The following SYK variants were observed in gnomAD, a reference collection of about 807,000 sequenced individuals.
SYK encodes the protein spleen associated tyrosine kinase, also known as tyrosine-protein kinase SYK.
A neutral mutation model predicts 77.8 loss-of-function variants in SYK; 16 were observed. The observed-to-expected ratio is 0.21, with a 90% CI of 0.14 to 0.31. The LOEUF (loss-of-function observed/expected upper bound fraction) is 0.31, where lower values mean the gene tolerates loss of function less well. Among genes scored for constraint, SYK ranks in the 10% least tolerant of loss-of-function variants. SYK has a pLI of 1.00. For missense variants in SYK, 529 were observed against 814.4 expected (o/e 0.65, Z 4.26); for synonymous variants, 312 against 308.7 (o/e 1.01, Z -0.11).
intron 6 of SYK, among the ~76,000 whole-genome samples, chr9:90,866,241 G>A (rs961573993): frequency 1.3e-5 from 2 of 152,038 alleles, no homozygotes; most frequent in Non-Finnish European, 2.9e-5. Flanking sequence ...TGTGAAGTGC[G>A]CCCTCTGCAC....
At chr9:90,853,218 G>A (rs935010911) in intron 3 of SYK, among the ~76,000 whole-genome samples, 1 of 148,774 alleles carries the variant, frequency 6.7e-6, no homozygotes, top group Non-Finnish European at 1.5e-5. Flanking sequence ...TGTCTCAGGT[G>A]CCCAGGCTGG....
intron 1 of SYK, among the ~76,000 whole-genome samples, chr9:90,806,307 T>A (rs1445664533): frequency 1.3e-5 from 2 of 152,222 alleles, no homozygotes; most frequent in African/African-American, 4.8e-5. Flanking sequence ...CATCTTCTTC[T>A]TGTCTAACAG....
chr9:90,891,018 C>T (rs978514846), intron 13 of SYK, among the ~76,000 whole-genome samples: 1 of 152,120 alleles, frequency 6.6e-6, no homozygotes, highest in African/African-American at 2.4e-5. Flanking sequence ...AGTCTGATTA[C>T]ATAGGGCCCA....
At chr9:90,858,290 C>T (rs1166641343) in intron 3 of SYK, among the ~76,000 whole-genome samples, 1 of 152,194 alleles carries the variant, frequency 6.6e-6, no homozygotes, top group Non-Finnish European at 1.5e-5. Flanking sequence ...GTAGACATGC[C>T]GCAGGTCAAG....
At chr9:90,822,694 A>T (rs912637163) in intron 1 of SYK, among the ~76,000 whole-genome samples, 3 of 152,142 alleles carry the variant, frequency 2.0e-5, no homozygotes, top group African/African-American at 7.2e-5. Context: ...TCCAGGTGAT[A>T]TTGGGCACAG....
Position 90,837,042 on chromosome 9 carries a change from C to T in SYK, c.-41-6816C>T, listed in dbSNP as rs1194060060. Among the ~76,000 whole-genome samples the T allele has an allele frequency of 1.3e-3, 191 of 152,202 alleles. 1 individual carries two copies. The highest frequency in any genetic ancestry group is 4.4e-3 in the African/African-American group (182 of 41,508). On this transcript the variant is annotated intron_variant, in intron 1 of 13. Coordinates refer to ENST00000375754, the MANE Select transcript of SYK (RefSeq NM_003177.7). ...AGAATATAGTATATGATACATATAA[C>T]ATGCAAAATATGTGTTAATCAGTTA...
chr9:90,869,523 A>T (rs1398399545), intron 7 of SYK, among the ~76,000 whole-genome samples: 1 of 152,176 alleles, frequency 6.6e-6, no homozygotes, highest in Non-Finnish European at 1.5e-5. Context: ...CAAATGGGGA[A>T]CTTTCCATTA....
chr9:90,814,073 G>A (rs1189404488), intron 1 of SYK, among the ~76,000 whole-genome samples: 3 of 149,586 alleles, frequency 2.0e-5, no homozygotes, highest in African/African-American at 7.3e-5. Flanking sequence ...TGCATATTGT[G>A]GGCACTCTTA....
At position 90,862,345 on chromosome 9, in the gene SYK, G is replaced by T. The variant is rs1389856876; in HGVS notation, c.717+1G>T. 1 of 1,613,294 alleles carries T rather than the reference G, an allele frequency of 6.2e-7. No homozygotes were observed. On this transcript the variant is annotated splice_donor_variant, in intron 4 of 13. Transcript: ENST00000375754. LOFTEE classifies it high-confidence loss of function. Reference sequence around the variant, plus strand: ...AAAGAAGTTCGACACGCTCTGGCAGGTACCCAGCCTCCTCTCCCCACCTTG... The same window carrying T: ...AAAGAAGTTCGACACGCTCTGGCAGTTACCCAGCCTCCTCTCCCCACCTTG...
intron 6 of SYK, among the ~76,000 whole-genome samples, chr9:90,866,568 G>A (rs1465744928): frequency 6.6e-6 from 1 of 152,188 alleles, no homozygotes; most frequent in African/African-American, 2.4e-5. Context: ...AGATGGATGA[G>A]GGCTTAGGGC....
chr9:90,812,827 C>T (rs1825144324), intron 1 of SYK, among the ~76,000 whole-genome samples: 1 of 150,842 alleles, frequency 6.6e-6, no homozygotes, highest in Non-Finnish European at 1.5e-5. Context: ...CTGTTGCGAA[C>T]AGTCCTTTCC....
intron 12 of SYK, 149 bp from the exon 13 acceptor site, chr9:90,888,366 A>G (rs1053097028): frequency 1.7e-5 from 11 of 642,948 alleles, no homozygotes; most frequent in African/African-American, 3.7e-5. Context: ...ACTGACTCCA[A>G]CATCACAGAT....
At chr9:90,864,473 A>G in intron 4 of SYK, 116 bp from the exon 5 acceptor site, 2 of 833,652 alleles carry the variant, frequency 2.4e-6, no homozygotes, top group African/African-American at 1.7e-5. Flanking sequence ...ACATAAAAGC[A>G]TTTATGTGTC....
intron 1 of SYK, among the ~76,000 whole-genome samples, chr9:90,839,617 T>C (rs914703645): frequency 1.3e-5 from 2 of 152,164 alleles, no homozygotes; most frequent in African/African-American, 4.8e-5. Context: ...AAATAGTAGC[T>C]ATGTTAAGAT....
intron 1 of SYK, among the ~76,000 whole-genome samples, chr9:90,834,673 A>C (rs1253764117): frequency 2.6e-5 from 4 of 152,238 alleles, no homozygotes; most frequent in African/African-American, 4.8e-5. Flanking sequence ...CCCATAGGCC[A>C]CATGTGGTCC....
chr9:90,812,789 G>C (rs1167192686), intron 1 of SYK, among the ~76,000 whole-genome samples: 2 of 125,096 alleles, frequency 1.6e-5, no homozygotes, highest in African/African-American at 2.8e-5. Flanking sequence ...GAGAGAGAGA[G>C]ATTGAGAGAG....
rs199586721 is a variant in SYK at position 90,888,476 on chromosome 9, T to TAA, written c.1723-28_1723-27dup. On this transcript the variant is annotated intron_variant, in intron 12 of 13. Coordinates refer to ENST00000375754, the MANE Select transcript of SYK (RefSeq NM_003177.7). ...TTTTGTTTTGTTTGACTAACACCTTTAAAAAAAAAAAAGCTTATGCATATC... is the reference window on the plus strand; with the variant it reads ...TTTTGTTTTGTTTGACTAACACCTTTAAAAAAAAAAAAAAGCTTATGCATATC... 3.0e-3 allele frequency: 3,344 copies of TAA among 1,116,380 alleles called. 37 individuals are homozygous for TAA. The African/African-American group carries it at 0.046, about 15-fold the overall frequency. The allele number at this position is 1,116,380 out of a possible 1,614,324, so 69.2% of individuals were successfully genotyped here.
At chr9:90,836,286 CAAAA>C (rs35155641) in intron 1 of SYK, among the ~76,000 whole-genome samples, 1 of 108,862 alleles carries the variant, frequency 9.2e-6, no homozygotes, top group Non-Finnish European at 1.9e-5. Context: ...GACTTCATCT[CAAAA>C]AAAAAAAAAA....
intron 1 of SYK, among the ~76,000 whole-genome samples, chr9:90,819,973 T>G (rs1825447835): frequency 6.6e-6 from 1 of 152,154 alleles, no homozygotes; most frequent in Non-Finnish European, 1.5e-5. Context: ...TGGGAGAAAT[T>G]GTCCAAAACA....
Sources: allele counts gnomAD v4.1 joint callset (sites outside exome capture counted in the v4.1 genomes callset), GRCh38; gene constraint gnomAD v4.1.1; transcripts MANE v1.5; gene names NCBI Gene and HGNC (gene_info 2026-07-23, HGNC 2026-07-21).